SART1: variants seen among roughly 807,000 people sequenced by gnomAD.
The protein encoded by SART1 is U4/U6.U5 tri-snRNP-associated protein 1.
In SART1, 28 loss-of-function variants were observed where a neutral mutation model predicts 105.0. The ratio of observed to expected loss-of-function variants is 0.27; its 90% CI spans 0.20 to 0.37. The LOEUF (loss-of-function observed/expected upper bound fraction) is 0.37. Among genes scored for constraint, SART1 ranks in the 10% least tolerant of loss-of-function variants. The probability of loss-of-function intolerance (pLI) is 1.00; values close to 1 mark genes in which losing one functional copy is unlikely to be tolerated. For synonymous variants in SART1, 472 were observed against 462.9 expected (o/e 1.02, Z -0.25); for missense variants, 894 against 1,106.5 (o/e 0.81, Z 2.72).
intron 2 of SART1, 132 bp from the exon 3 acceptor site, chr11:65,964,383 C>G (rs1855205855): frequency 1.8e-6 from 2 of 1,130,040 alleles, no homozygotes; most frequent in Non-Finnish European, 2.6e-6. Flanking sequence ...TCCCAGTGTC[C>G]TAGGCTGCCT....
In SART1 at chr11:65,966,543, C is replaced by T. The variant is rs776002727; in HGVS notation, c.1175C>T (p.Thr392Met). The part of the protein sequence containing the change: ...VGPRLASEYL[T>M]PEEMVTFKKT... The stretch of plus-strand genomic sequence containing the variant: ...CCCCGGCTGGCCTCCGAATACCTCA[C>T]GCCTGAGGAGATGGTGAGCCCTCCC... Residue 392 changes from threonine to methionine, a missense_variant, in exon 9 of 20, where the codon ACG becomes ATG. Physicochemically the swap from Thr to Met is moderately conservative, Grantham distance 81. Coordinates refer to ENST00000312397, the MANE Select transcript of SART1 (RefSeq NM_005146.5). 3 of 1,532,638 alleles carry T rather than the reference C, an allele frequency of 2.0e-6. No individual in the cohort carries two copies. Among genetic ancestry groups the T allele is most frequent in the Middle Eastern group, 1.8e-4 (1 of 5,628 alleles). The allele number at this position is 1,532,638 out of a possible 1,614,324, so 94.9% of individuals were successfully genotyped here.
In SART1 at chr11:65,967,337, T is replaced by C; in HGVS notation, c.1267T>C (p.Leu423=). ...EKEVVVRADD[L]LPLGDQTQDG... ...GGAGGTAGTAGTGCGGGCAGATGAC[T>C]TGCTGCCTCTCGGGGACCAGACTCA... The change falls in exon 10 of 20, where the codon TTG becomes CTG. Residue 423 remains leucine, a synonymous_variant. Coordinates refer to ENST00000312397, the MANE Select transcript of SART1 (RefSeq NM_005146.5). 1 of 1,614,088 alleles carries C rather than the reference T, an allele frequency of 6.2e-7. No homozygotes were observed. Among genetic ancestry groups the C allele is most frequent in the Non-Finnish European group, 8.5e-7 (1 of 1,180,012 alleles).
At chr11:65,962,145 G>A in intron 1 of SART1, 52 bp downstream of exon 1, 2 of 1,165,716 alleles carry the variant, frequency 1.7e-6, no homozygotes, top group South Asian at 3.3e-5. Context: ...GTCCCGGAAC[G>A]CGTGGGTCTG....
intron 12 of SART1, among the ~76,000 whole-genome samples, chr11:65,973,324 C>T (rs1017381342): frequency 6.6e-6 from 1 of 151,218 alleles, no homozygotes; most frequent in African/African-American, 2.4e-5. Flanking sequence ...TACAAACAGA[C>T]AAAACAAATC....
rs780679628 is a variant in SART1 at position 65,967,310 on chromosome 11, A to G, written c.1240A>G (p.Lys414Glu). Reference protein sequence around the residue: ...RRVKKIRKKEKEVVVRADDLL... With the variant: ...RRVKKIRKKEEEVVVRADDLL... ...GGTGAAGAAAATCCGCAAGAAGGAGAAGGAGGTAGTAGTGCGGGCAGATGA... is the reference window on the plus strand; with the variant it reads ...GGTGAAGAAAATCCGCAAGAAGGAGGAGGAGGTAGTAGTGCGGGCAGATGA... The change falls in exon 10 of 20, where the codon AAG becomes GAG. Residue 414 changes from lysine to glutamate, a missense_variant. By Grantham distance (56) the Lys-to-Glu change is moderately conservative. Transcript: ENST00000312397. The G allele has an allele frequency of 1.2e-5, 20 of 1,613,842 alleles. No individual in the cohort carries two copies. The highest frequency in any genetic ancestry group is 2.7e-5 in the African/African-American group (2 of 74,854).
Position 65,961,737 on chromosome 11 carries a change from T to A in SART1, c.-44T>A, listed in dbSNP as rs763959848. On this transcript the variant is annotated 5_prime_UTR_variant, in exon 1 of 20. Coordinates refer to ENST00000312397, the MANE Select transcript of SART1 (RefSeq NM_005146.5). ...ACCCGGAAGTATTCCCATTTTGCGT[T>A]GTCTGGGCTCGGCGGCAGCCGGGCT... 3.4e-5 allele frequency: 49 copies of A among 1,460,144 alleles called. No individual in the cohort carries two copies. The African/African-American group carries it at 5.9e-4, about 18-fold the overall frequency. The allele number at this position is 1,460,144 out of a possible 1,614,324, so 90.4% of individuals were successfully genotyped here. A position where few individuals can be genotyped will look rare whatever the true frequency, so the allele number is the denominator to read the frequency against.
intron 17 of SART1, 71 bp downstream of exon 17, chr11:65,977,970 C>T: frequency 7.2e-6 from 11 of 1,519,488 alleles, no homozygotes; most frequent in Non-Finnish European, 9.8e-6. Context: ...CATGCAATGC[C>T]CCGGGCCATG....
rs373499762 is a variant in SART1, at chr11:65,976,785, G to T, written c.1857+19G>T. ...GCAGGATGTGAGGGCCGCGCCGCTG[G>T]GGGGTGGGCGTTTGGGGGTGCTCAA... is the stretch of plus-strand genomic sequence containing the variant. On this transcript the variant is annotated intron_variant, in intron 14 of 19. Coordinates refer to ENST00000312397, the MANE Select transcript of SART1 (RefSeq NM_005146.5). The surrounding 1 kb of genome is among the most constrained non-coding windows in gnomAD (Gnocchi z 5.1). The T allele has an allele frequency of 2.4e-5, 38 of 1,579,942 alleles. No homozygotes were observed. The highest frequency in any genetic ancestry group is 1.5e-4 in the South Asian group (13 of 87,992).
At chr11:65,967,215 C>T (rs2134907479) in intron 9 of SART1, 44 bp from the exon 10 acceptor site, 4 of 1,603,030 alleles carry the variant, frequency 2.5e-6, no homozygotes, top group East Asian at 2.2e-5. Context: ...GGCGACCTGC[C>T]TTTCTGTGGC....
intron 1 of SART1, 153 bp from the exon 2 acceptor site, chr11:65,963,921 G>C: frequency 1.5e-6 from 1 of 646,840 alleles, no homozygotes; most frequent in East Asian, 2.7e-5. Context: ...GAGCTGCTGG[G>C]GAGCTTGGGT....
In SART1 at chr11:65,976,899, G is replaced by A; in HGVS notation, c.1858-115G>A. On this transcript the variant is annotated intron_variant, in intron 14 of 19. Transcript: ENST00000312397. The surrounding 1 kb of genome is among the most constrained non-coding windows in gnomAD (Gnocchi z 5.1). The stretch of plus-strand genomic sequence containing the variant: ...CAGACCTCCCAGGGCGATCTGAGGA[G>A]TAAATGAGGAAATTAAATGTTGTGG... The A allele has an allele frequency of 8.8e-7, 1 of 1,135,446 alleles. No individual in the cohort carries two copies. The highest frequency in any genetic ancestry group is 1.3e-6 in the Non-Finnish European group (1 of 770,260). 70.3% of individuals were successfully genotyped at this position (1,135,446 alleles called of 1,614,324 possible).
At position 65,974,900 on chromosome 11, in the gene SART1, C is replaced by T. The variant is rs527736599; in HGVS notation, c.1573-1495C>T. Reference sequence around the variant, plus strand: ...AAAAAATACAAAAAAATTAGCTGGGCGTGGTGGCGGGCGCCTGTAGTCCCA... The same window carrying T: ...AAAAAATACAAAAAAATTAGCTGGGTGTGGTGGCGGGCGCCTGTAGTCCCA... On this transcript the variant is annotated intron_variant, in intron 12 of 19. Coordinates refer to ENST00000312397, the MANE Select transcript of SART1 (RefSeq NM_005146.5). Among the ~76,000 whole-genome samples the T allele has an allele frequency of 4.0e-3, 601 of 149,206 alleles. 6 individuals carry two copies. Among genetic ancestry groups the T allele is most frequent in the African/African-American group, 0.014 (564 of 40,448 alleles).
Position 65,966,359 on chromosome 11 carries a change from C to T in SART1, c.991C>T (p.Arg331Cys), listed in dbSNP as rs150231146. Residue 331 changes from arginine to cysteine, a missense_variant, in exon 9 of 20, where the codon CGC becomes TGC. By Grantham distance (180) the Arg-to-Cys change is radical (BLOSUM62 -3). Around this residue, in one of 2 missense-constraint regions of SART1, gnomAD observed 712 missense variants for 778.2 expected, o/e 0.91. Coordinates refer to ENST00000312397, the MANE Select transcript of SART1 (RefSeq NM_005146.5). Reference protein sequence around the residue: ...SVDDLAQQKPRSILSKYDEEL... With the variant: ...SVDDLAQQKPCSILSKYDEEL... The stretch of plus-strand genomic sequence containing the variant: ...ACCTCTTGCCTTGCAGCAAAAACCT[C>T]GCTCTATCCTGTCCAAGTATGACGA... The T allele has an allele frequency of 7.4e-5, 119 of 1,613,902 alleles. No individual in the cohort carries two copies. Among genetic ancestry groups the T allele is most frequent in the Non-Finnish European group, 9.7e-5 (114 of 1,180,044 alleles).
chr11:65,977,531 G>T (rs781440821), intron 15 of SART1, 32 bp from the exon 16 acceptor site: 1 of 1,591,098 alleles, frequency 6.3e-7, no homozygotes. Context: ...GCTCTCGAGG[G>T]GTTGGGAGTC....
At chr11:65,970,668 G>T (rs1034142478) in intron 12 of SART1, among the ~76,000 whole-genome samples, 1 of 151,316 alleles carries the variant, frequency 6.6e-6, no homozygotes, top group African/African-American at 2.4e-5. Context: ...GCAAAGAGAT[G>T]GGAGATGCTG....
In SART1 at chr11:65,976,334, G is replaced by T; in HGVS notation, c.1573-61G>T. On this transcript the variant is annotated intron_variant, in intron 12 of 19. Coordinates refer to ENST00000312397, the MANE Select transcript of SART1 (RefSeq NM_005146.5). The surrounding 1 kb of genome is among the most constrained non-coding windows in gnomAD (Gnocchi z 5.1). Reference sequence around the variant, plus strand: ...TGCCAGGGAGGACCCTTAGGTTCCTGGGTCTCAATGGCATCACCCCAGAAA... The same window carrying T: ...TGCCAGGGAGGACCCTTAGGTTCCTTGGTCTCAATGGCATCACCCCAGAAA... 1 of 1,452,572 alleles carries T rather than the reference G, an allele frequency of 6.9e-7. No individual in the cohort carries two copies. The highest frequency in any genetic ancestry group is 9.1e-7 in the Non-Finnish European group (1 of 1,100,128). The allele number at this position is 1,452,572 out of a possible 1,614,324, so 90.0% of individuals were successfully genotyped here.
At chr11:65,963,504 C>T (rs1237127277) in intron 1 of SART1, among the ~76,000 whole-genome samples, 1 of 150,550 alleles carries the variant, frequency 6.6e-6, no homozygotes, top group Admixed American at 6.6e-5. Context: ...TTTTTTGAGA[C>T]AAAGTCTTGC....
chr11:65,964,624 C>T (rs1158401810), intron 3 of SART1, 54 bp downstream of exon 3: 2 of 1,553,418 alleles, frequency 1.3e-6, no homozygotes, highest in East Asian at 4.5e-5. Flanking sequence ...CTGAAGGGGT[C>T]TTTGAAGAAG....
chr11:65,975,879 T>C (rs1194425463), intron 12 of SART1, among the ~76,000 whole-genome samples: 2 of 151,864 alleles, frequency 1.3e-5, no homozygotes, highest in African/African-American at 4.8e-5. Flanking sequence ...TGGGGGTCGC[T>C]GGATTCAGTG....
Sources: gnomAD v4.1 joint callset for allele counts (sites outside exome capture counted in the v4.1 genomes callset) on GRCh38, gnomAD v4.1.1 for gene constraint, gnomAD v4.1.1 regional missense constraint, Gnocchi (gnomAD v3.1) non-coding constraint, MANE v1.5 for transcripts, NCBI Gene and HGNC (gene_info 2026-07-23, HGNC 2026-07-21) for gene names.